Variants in BCO1 observed in about 807,000 individuals in gnomAD.
BCO1 encodes the protein beta-carotene oxygenase 1.
Under a neutral mutation model 56.3 loss-of-function variants are expected in BCO1, and 54 were observed. The observed-to-expected ratio is 0.96, with a 90% CI of 0.77 to 1.20. BCO1 has a LOEUF of 1.20. BCO1 is among the 50% of genes most tolerant of loss of function. BCO1 has a pLI of 0.00. For synonymous variants in BCO1, 318 were observed against 266.1 expected, an observed-to-expected ratio of 1.20 and a Z score of -1.90; for missense variants, 801 against 690.9, an observed-to-expected ratio of 1.16 and a Z score of -1.79.
At chr16:81,258,091 A>T (rs1906258759) in intron 2 of BCO1, among the ~76,000 whole-genome samples, 1 of 152,134 alleles carries the variant, frequency 6.6e-6, no homozygotes, top group South Asian at 2.1e-4. Context: ...TCTCAAAGCT[A>T]GAAAAATCAA....
chr16:81,282,897 T>C (rs1330713698), intron 8 of BCO1, among the ~76,000 whole-genome samples: 1 of 152,196 alleles, frequency 6.6e-6, no homozygotes, highest in Non-Finnish European at 1.5e-5. Context: ...CATTCTTTTA[T>C]TGTTGACATT....
At chr16:81,267,431 G>T (rs2151940152) in intron 5 of BCO1, among the ~76,000 whole-genome samples, 1 of 152,306 alleles carries the variant, frequency 6.6e-6, no homozygotes, top group South Asian at 2.1e-4. Context: ...TGGCCAACAT[G>T]GCAAAACCCC....
chr16:81,259,653 T>A, intron 2 of BCO1, 23 bp from the exon 3 acceptor site: 1 of 1,614,188 alleles, frequency 6.2e-7, no homozygotes. Flanking sequence ...CAGCCTGAGA[T>A]TATGCTGGTT....
intron 2 of BCO1, among the ~76,000 whole-genome samples, chr16:81,252,667 G>A (rs1905881489): frequency 6.6e-6 from 1 of 152,216 alleles, no homozygotes; most frequent in Admixed American, 6.5e-5. Flanking sequence ...GGCTCAAAGG[G>A]GAGATCAGGG....
At chr16:81,278,666 G>A (rs1055908317) in intron 7 of BCO1, among the ~76,000 whole-genome samples, 1 of 152,106 alleles carries the variant, frequency 6.6e-6, no homozygotes, top group African/African-American at 2.4e-5. Context: ...TTAGGGAAGG[G>A]GTGTTTCTTC....
At chr16:81,284,318 A>G (rs1184204013) in intron 8 of BCO1, among the ~76,000 whole-genome samples, 3 of 149,026 alleles carry the variant, frequency 2.0e-5, no homozygotes, top group Non-Finnish European at 4.4e-5. Flanking sequence ...ATTTACAGAG[A>G]AAAAATAATA....
intron 7 of BCO1, among the ~76,000 whole-genome samples, chr16:81,271,788 C>G (rs915287322): frequency 3.3e-5 from 5 of 152,060 alleles, no homozygotes; most frequent in Non-Finnish European, 5.9e-5. Context: ...CTCGCTCTGC[C>G]GCCCAGGCTG....
Position 81,238,984 on chromosome 16 carries a change from G to C in BCO1, c.64+12G>C, listed in dbSNP as rs1224733133. On this transcript the variant is annotated intron_variant, in intron 1 of 10. Transcript: ENST00000258168. ...GGCCAAAGTGACAGGTGAGCATTCT[G>C]ATAAACACTGGGCTCTTTCTTCTAT... 1.9e-6 allele frequency: 3 copies of C among 1,609,880 alleles called. No homozygotes were observed. The highest frequency in any genetic ancestry group is 1.1e-5 in the South Asian group (1 of 90,976).
intron 2 of BCO1, among the ~76,000 whole-genome samples, chr16:81,259,100 G>A (rs1485173348): frequency 6.6e-6 from 1 of 152,118 alleles, no homozygotes; most frequent in African/African-American, 2.4e-5. Flanking sequence ...AACATCACAG[G>A]CTTCAACATG....
chr16:81,256,460 A>T (rs1017100652), intron 2 of BCO1, among the ~76,000 whole-genome samples: 1 of 152,222 alleles, frequency 6.6e-6, no homozygotes, highest in Non-Finnish European at 1.5e-5. Context: ...CACTGGAAGC[A>T]CATACTATAC....
At chr16:81,266,888 A>G (rs1055124902) in intron 5 of BCO1, among the ~76,000 whole-genome samples, 4 of 152,172 alleles carry the variant, frequency 2.6e-5, no homozygotes, top group African/African-American at 9.7e-5. Flanking sequence ...GACGATAACT[A>G]TCCCACAACC....
At chr16:81,251,254 G>C (rs1269189487) in intron 2 of BCO1, among the ~76,000 whole-genome samples, 1 of 151,782 alleles carries the variant, frequency 6.6e-6, no homozygotes, top group Non-Finnish European at 1.5e-5. Flanking sequence ...AGAAATTAAT[G>C]CTCTAAAAAA....
chr16:81,257,276 G>T (rs1180137917), intron 2 of BCO1, among the ~76,000 whole-genome samples: 2 of 151,916 alleles, frequency 1.3e-5, no homozygotes, highest in African/African-American at 4.8e-5. Flanking sequence ...TTGTTTATTT[G>T]TTTTTTGAGA....
At chr16:81,253,256 G>A (rs747590571) in intron 2 of BCO1, among the ~76,000 whole-genome samples, 3 of 152,116 alleles carry the variant, frequency 2.0e-5, no homozygotes, top group South Asian at 2.1e-4. Context: ...ACCTAGAGCC[G>A]AAGCCTTGAT....
At chr16:81,278,798 G>T (rs953201262) in intron 7 of BCO1, among the ~76,000 whole-genome samples, 2 of 152,192 alleles carry the variant, frequency 1.3e-5, no homozygotes, top group Non-Finnish European at 1.5e-5. Flanking sequence ...CACAGGGTCT[G>T]CTTCTCTCCA....
In BCO1 at chr16:81,267,865, C is replaced by G. The variant is rs769711646; in HGVS notation, c.620-43C>G. ...GGTGGTGTGGTCTTGGGGGGGCAGC[C>G]AGATCCTGCACAATTCCTGAGGCTT... On this transcript the variant is annotated intron_variant, in intron 5 of 10. Coordinates refer to ENST00000258168, the MANE Select transcript of BCO1 (RefSeq NM_017429.3). 1.9e-6 allele frequency: 3 copies of G among 1,576,924 alleles called. No homozygotes were observed. In the African/African-American group the frequency reaches 4.1e-5, roughly 21 times the overall value.
At chr16:81,262,710 C>T (rs1157748609) in intron 4 of BCO1, 3 of 307,912 alleles carry the variant, frequency 9.7e-6, no homozygotes, top group East Asian at 8.3e-5. Flanking sequence ...TGCCTGTAAT[C>T]CCAGCTACTC....
intron 1 of BCO1, among the ~76,000 whole-genome samples, chr16:81,241,990 C>T (rs531898757): frequency 2.0e-5 from 3 of 152,182 alleles, no homozygotes; most frequent in South Asian, 2.1e-4. Context: ...GTTGCTGCAA[C>T]GATTAAGTGG....
chr16:81,255,961 T>C (rs1179420441), intron 2 of BCO1, among the ~76,000 whole-genome samples: 1 of 149,374 alleles, frequency 6.7e-6, no homozygotes, highest in Non-Finnish European at 1.5e-5. Flanking sequence ...GGACCACAGG[T>C]GCCCAGTACC....
Sources: gnomAD v4.1 joint callset for allele counts (sites outside exome capture counted in the v4.1 genomes callset) on GRCh38, gnomAD v4.1.1 for gene constraint, MANE v1.5 for transcripts, NCBI Gene and HGNC (gene_info 2026-07-23, HGNC 2026-07-21) for gene names.